The following CDCP1 variants were observed in gnomAD, a reference collection of about 807,000 sequenced individuals.
CDCP1 encodes CUB domain containing protein 1.
In CDCP1, 29 loss-of-function variants were observed where a neutral mutation model predicts 60.2. That is an observed-to-expected ratio of 0.48 (90% CI 0.36 to 0.66). The LOEUF (loss-of-function observed/expected upper bound fraction) is 0.66. CDCP1 is among the 30% of genes least tolerant of loss of function. The pLI is 0.00. For synonymous variants in CDCP1, 387 were observed against 431.1 expected (o/e 0.90, Z 1.27); for missense variants, 876 against 1,074.3 (o/e 0.82, Z 2.58).
At position 45,111,826 on chromosome 3, in the gene CDCP1, C is replaced by T. The variant is rs140909946; in HGVS notation, c.655+257G>A. 1.6e-3 allele frequency among the ~76,000 whole-genome samples: 244 copies of T among 152,288 alleles called. 1 individual carries two copies. The East Asian group carries it at 0.037, about 23-fold the overall frequency. On this transcript the variant is annotated intron_variant, in intron 3 of 8. Transcript: ENST00000296129. Reference sequence around the variant, plus strand: ...AAGCAATCAAGGTGGGTCTGTAGAACCAATCCCTTGTCATTTTTTTGAAAA... The same window carrying T: ...AAGCAATCAAGGTGGGTCTGTAGAATCAATCCCTTGTCATTTTTTTGAAAA...
intron 2 of CDCP1, among the ~76,000 whole-genome samples, chr3:45,116,086 T>G (rs1471926511): frequency 6.6e-6 from 1 of 152,210 alleles, no homozygotes; most frequent in East Asian, 1.9e-4. Flanking sequence ...CCTGTTTTAT[T>G]GGTAATGCTG....
intron 1 of CDCP1, among the ~76,000 whole-genome samples, chr3:45,119,176 A>G (rs4683050): frequency 0.97 from 147,217 of 152,254 alleles, 71,241 homozygotes; most frequent in South Asian, 0.98. Flanking sequence ...TAATCATATT[A>G]TATCAATGAA....
chr3:45,121,070 T>G (rs1209994642), intron 1 of CDCP1, among the ~76,000 whole-genome samples: 2 of 152,176 alleles, frequency 1.3e-5, no homozygotes, highest in Non-Finnish European at 2.9e-5. Flanking sequence ...CCAAAACAAC[T>G]CCATATAAAA....
rs1276380966 is a variant in CDCP1 at position 45,085,019 on chromosome 3, G to A, written c.*619C>T. ...TGCTCAAACACACACATTCTTTTCT[G>A]GTTGGACAGATTGTAAATTATTCCC... On this transcript the variant is annotated 3_prime_UTR_variant, in exon 9 of 9. Transcript: ENST00000296129. The surrounding 1 kb of genome is among the most constrained non-coding windows in gnomAD (Gnocchi z 4.2). The A allele has an allele frequency of 6.6e-6, 1 of 152,660 alleles. No homozygotes were observed. Among genetic ancestry groups the A allele is most frequent in the Non-Finnish European group, 1.5e-5 (1 of 68,234 alleles). The allele number at this position is 152,660 out of a possible 1,614,324, so 9.5% of individuals were successfully genotyped here. A position where few individuals can be genotyped will look rare whatever the true frequency, so the allele number is the denominator to read the frequency against.
At chr3:45,133,514 C>T (rs1279116866) in intron 1 of CDCP1, among the ~76,000 whole-genome samples, 2 of 404 alleles carry the variant, frequency 5.0e-3, no homozygotes, top group South Asian at 0.25. Context: ...GTCAGGAGAT[C>T]GAGACCATCC....
At chr3:45,096,667 A>G (rs926160980) in intron 4 of CDCP1, among the ~76,000 whole-genome samples, 1 of 151,692 alleles carries the variant, frequency 6.6e-6, no homozygotes, top group Non-Finnish European at 1.5e-5. Flanking sequence ...TTGAAAACCT[A>G]AATATAAATA....
rs1698678676 is a variant in CDCP1, at chr3:45,110,832, A to G, written c.665T>C (p.Ile222Thr). The stretch of plus-strand genomic sequence containing the variant: ...TTCACCCTCAAACACAGACTCGATG[A>G]TGCACAGACCTAGTGGGAGTGGAAC... ...ANRSSIKRLC[I>T]IESVFEGEGS... The change falls in exon 4 of 9, where the codon ATC (isoleucine) becomes ACC (threonine). Residue 222 changes from isoleucine (I) to threonine (T), a missense_variant. By Grantham distance (89) the Ile-to-Thr change is moderately conservative. Transcript: ENST00000296129. The G allele has an allele frequency of 6.2e-7, 1 of 1,612,554 alleles. No homozygotes were observed. The highest frequency in any genetic ancestry group is 8.5e-7 in the Non-Finnish European group (1 of 1,179,170).
At chr3:45,104,070 C>A (rs904506108) in intron 4 of CDCP1, among the ~76,000 whole-genome samples, 1 of 152,220 alleles carries the variant, frequency 6.6e-6, no homozygotes, top group African/African-American at 2.4e-5. Flanking sequence ...TGTTCTCAGC[C>A]TTTCTTGTTT....
chr3:45,129,835 G>A (rs1699057504), intron 1 of CDCP1, among the ~76,000 whole-genome samples: 1 of 152,122 alleles, frequency 6.6e-6, no homozygotes, highest in African/African-American at 2.4e-5. Context: ...AAAGTCAGCA[G>A]CGGGGTGGTT....
At chr3:45,132,050 A>G (rs1046438883) in intron 1 of CDCP1, among the ~76,000 whole-genome samples, 2 of 150,870 alleles carry the variant, frequency 1.3e-5, no homozygotes, top group Non-Finnish European at 2.9e-5. Context: ...CCTGGCCAAC[A>G]CGGTAAAACT....
At chr3:45,133,717 C>CAAAA (rs1215278385) in intron 1 of CDCP1, among the ~76,000 whole-genome samples, 619 of 50,278 alleles carry the variant, frequency 0.012, 236 homozygotes, top group African/African-American at 0.068. Flanking sequence ...GACTCCGTCT[C>CAAAA]AAAAAAAAAA....
In CDCP1 at chr3:45,091,060, A is replaced by C; in HGVS notation, c.1993+113T>G. On this transcript the variant is annotated intron_variant, in intron 7 of 8. Transcript: ENST00000296129. The surrounding 1 kb of genome is among the most constrained non-coding windows in gnomAD (Gnocchi z 4.8). ...TATTGATGCAATAGCTGACTGATAC[A>C]TGGACAGTCAGGACTCAATCTGTGA... is the stretch of plus-strand genomic sequence containing the variant. 8.5e-7 allele frequency: 1 copy of C among 1,177,254 alleles called. No individual in the cohort carries two copies. Among genetic ancestry groups the C allele is most frequent in the Non-Finnish European group, 1.2e-6 (1 of 834,082 alleles). 72.9% of individuals were successfully genotyped at this position (1,177,254 alleles called of 1,614,324 possible).
Position 45,146,344 on chromosome 3 carries a change from A to G in CDCP1, c.-57T>C, listed in dbSNP as rs1194471234. 63 of 1,457,854 alleles carry G rather than the reference A, an allele frequency of 4.3e-5. No homozygotes were observed. In the East Asian group the frequency reaches 1.8e-3, roughly 41 times the overall value. 90.3% of individuals were successfully genotyped at this position (1,457,854 alleles called of 1,614,324 possible). ...AACGACGGTGGGGAGCGGCGGCCCC[A>G]GGCGCCCAAGCCCGGCGCAGCTGCG... On this transcript the variant is annotated 5_prime_UTR_variant, in exon 1 of 9. Coordinates refer to ENST00000296129, the MANE Select transcript of CDCP1 (RefSeq NM_022842.5).
chr3:45,119,976 G>A (rs1698854948), intron 1 of CDCP1, among the ~76,000 whole-genome samples: 2 of 152,178 alleles, frequency 1.3e-5, no homozygotes, highest in African/African-American at 4.8e-5. Flanking sequence ...TGCTCAGCAT[G>A]CTTGTGAGAT....
chr3:45,134,575 G>T (rs1300709462), intron 1 of CDCP1, among the ~76,000 whole-genome samples: 1 of 150,846 alleles, frequency 6.6e-6, no homozygotes, highest in Non-Finnish European at 1.5e-5. Flanking sequence ...AGGGACCAGG[G>T]ATTAACACCA....
chr3:45,116,227 A>G (rs1168388720), intron 2 of CDCP1, among the ~76,000 whole-genome samples: 1 of 118,836 alleles, frequency 8.4e-6, no homozygotes, highest in African/African-American at 3.2e-5. Flanking sequence ...ATCTATGTTC[A>G]TACTGTTCTG....
chr3:45,128,209 T>C (rs561546438), intron 1 of CDCP1, among the ~76,000 whole-genome samples: 1 of 152,346 alleles, frequency 6.6e-6, no homozygotes, highest in Non-Finnish European at 1.5e-5. Context: ...GACACAGGAC[T>C]GCACTGGGAA....
In CDCP1 at chr3:45,102,827, C is replaced by G. The variant is rs557061770; in HGVS notation, c.1025-7259G>C. ...TCCCTAGTAGCACATGCCACCACAC[C>G]CAGCTATTTTTTGTAGAGACAGGGT... On this transcript the variant is annotated intron_variant, in intron 4 of 8. Transcript: ENST00000296129. Among the ~76,000 whole-genome samples the G allele has an allele frequency of 1.3e-3, 202 of 152,042 alleles. 1 individual carries two copies. Among genetic ancestry groups the G allele is most frequent in the African/African-American group, 4.7e-3 (194 of 41,486 alleles).
At chr3:45,086,207 T>C in intron 8 of CDCP1, 140 bp from the exon 9 acceptor site, 1 of 719,112 alleles carries the variant, frequency 1.4e-6, no homozygotes, top group Non-Finnish European at 2.3e-6. Flanking sequence ...GCTCAGCATT[T>C]GAAACTGAAA....
Sources: allele counts gnomAD v4.1 joint callset (sites outside exome capture counted in the v4.1 genomes callset), GRCh38; gene constraint gnomAD v4.1.1; non-coding constraint Gnocchi (gnomAD v3.1); transcripts MANE v1.5; gene names NCBI Gene and HGNC (gene_info 2026-07-23, HGNC 2026-07-21).